LRRC8D: variants seen among roughly 807,000 people sequenced by gnomAD.
LRRC8D encodes leucine rich repeat containing 8 VRAC subunit D, also known as volume-regulated anion channel subunit LRRC8D.
In LRRC8D, 20 loss-of-function variants were observed where a neutral mutation model predicts 55.8. The ratio of observed to expected loss-of-function variants is 0.36; its 90% CI spans 0.25 to 0.52. LRRC8D has a LOEUF of 0.52. LRRC8D is among the 20% of genes least tolerant of loss of function. LRRC8D has a pLI of 0.93. For synonymous variants in LRRC8D, 352 were observed against 377.0 expected (o/e 0.93, Z 0.77); for missense variants, 651 against 1,030.8 (o/e 0.63, Z 5.05).
chr1:89,887,993 A>G (rs939990058), intron 2 of LRRC8D, among the ~76,000 whole-genome samples: 7 of 152,178 alleles, frequency 4.6e-5, no homozygotes, highest in African/African-American at 1.7e-4. Flanking sequence ...AAAGGCACCA[A>G]GGGAGACGTG....
At chr1:89,912,213 C>T (rs1201850217) in intron 2 of LRRC8D, among the ~76,000 whole-genome samples, 1 of 152,128 alleles carries the variant, frequency 6.6e-6, no homozygotes, top group Non-Finnish European at 1.5e-5. Flanking sequence ...CCAGTCTTTC[C>T]TCCCTTCAAT....
chr1:89,901,160 A>G (rs1480003260), intron 2 of LRRC8D, among the ~76,000 whole-genome samples: 2 of 152,174 alleles, frequency 1.3e-5, no homozygotes, highest in Non-Finnish European at 2.9e-5. Flanking sequence ...GTTAACAGGC[A>G]GCATTGGGGC....
At chr1:89,905,953 A>C (rs115502878) in intron 2 of LRRC8D, among the ~76,000 whole-genome samples, 22 of 152,330 alleles carry the variant, frequency 1.4e-4, no homozygotes, top group African/African-American at 5.3e-4. Context: ...GGTAGCTGAG[A>C]CCTGACCCCT....
chr1:89,888,713 G>A (rs975258586), intron 2 of LRRC8D, among the ~76,000 whole-genome samples: 1 of 152,170 alleles, frequency 6.6e-6, no homozygotes, highest in African/African-American at 2.4e-5. Flanking sequence ...ATCTTGTAGT[G>A]CTGGAAAGTA....
chr1:89,878,729 G>A (rs1662206495), intron 2 of LRRC8D, among the ~76,000 whole-genome samples: 1 of 152,200 alleles, frequency 6.6e-6, no homozygotes, highest in Non-Finnish European at 1.5e-5. Flanking sequence ...ACTTTGGGAG[G>A]CTGAGGCGGG....
chr1:89,927,429 C>A (rs1450906007), intron 2 of LRRC8D, among the ~76,000 whole-genome samples: 1 of 152,232 alleles, frequency 6.6e-6, no homozygotes, highest in African/African-American at 2.4e-5. Context: ...TATACCACAT[C>A]TTTTATTCTA....
intron 2 of LRRC8D, among the ~76,000 whole-genome samples, chr1:89,875,743 C>G (rs1350571176): frequency 6.6e-6 from 1 of 151,746 alleles, no homozygotes; most frequent in African/African-American, 2.4e-5. Flanking sequence ...TTATAGAGGA[C>G]TTACTCTATG....
chr1:89,902,297 C>G (rs1662878799), intron 2 of LRRC8D, among the ~76,000 whole-genome samples: 1 of 152,218 alleles, frequency 6.6e-6, no homozygotes, highest in Non-Finnish European at 1.5e-5. Flanking sequence ...TAGCCTGCTA[C>G]TTTATTTCTA....
At position 89,925,021 on chromosome 1, in the gene LRRC8D, A is replaced by T. The variant is rs946410194; in HGVS notation, c.-2-8046A>T. ...ACCCCTGGGCCACGGACTGCTGCTG[A>T]TTCATGGCCTGTTAGGAACCGGGTC... On this transcript the variant is annotated intron_variant, in intron 2 of 2. Transcript: ENST00000337338. Among the ~76,000 whole-genome samples the T allele has an allele frequency of 3.3e-5, 5 of 152,152 alleles. No homozygotes were observed. In the East Asian group the frequency reaches 7.7e-4, roughly 23 times the overall value.
chr1:89,913,369 T>C lies in LRRC8D; in HGVS notation c.-2-19698T>C, dbSNP rs560180003. Among the ~76,000 whole-genome samples the C allele has an allele frequency of 5.3e-5, 8 of 152,334 alleles. No individual in the cohort carries two copies. The South Asian group carries it at 1.7e-3, about 32-fold the overall frequency. On this transcript the variant is annotated intron_variant, in intron 2 of 2. Transcript: ENST00000337338. ...TTATCATAGAAATGGAAGACTATTTTGATTAAAAAGTCAACTTGGGAGGAA... is the reference window on the plus strand; with the variant it reads ...TTATCATAGAAATGGAAGACTATTTCGATTAAAAAGTCAACTTGGGAGGAA...
rs139352797 is a variant in LRRC8D, at chr1:89,933,345, C to G, written c.277C>G (p.Arg93Gly). The G allele has an allele frequency of 1.2e-5, 20 of 1,614,118 alleles. No individual in the cohort carries two copies. The African/African-American group carries it at 2.5e-4, about 20-fold the overall frequency. ...EAATNQDQDG[R>G]TTNDISFGTS... is the part of the protein sequence containing the mutation. Reference sequence around the variant, plus strand: ...AGCCACCAACCAAGACCAAGATGGGCGGACAACAAACGACATTTCCTTTGG... The same window carrying G: ...AGCCACCAACCAAGACCAAGATGGGGGGACAACAAACGACATTTCCTTTGG... Residue 93 changes from arginine to glycine, a missense_variant, in exon 3 of 3, where the codon CGG becomes GGG. Transcript: ENST00000337338. This position sits in a 1 kb window ranked among gnomAD's most constrained non-coding sequence, Gnocchi z 7.0.
In LRRC8D at chr1:89,933,489, T is replaced by C. The variant is rs1272069116; in HGVS notation, c.421T>C (p.Leu141=). The C allele has an allele frequency of 6.2e-7, 1 of 1,614,116 alleles. No individual in the cohort carries two copies. Residue 141 remains leucine, a synonymous_variant, in exon 3 of 3, where the codon TTG becomes CTG. Transcript: ENST00000337338. The surrounding 1 kb of genome is among the most constrained non-coding windows in gnomAD (Gnocchi z 7.0). ...AGATCCAACAGGTCGAAAAACAAAC[T>C]TGGATTTTCAGCAATATGTATTTAT... ...KKDPTGRKTN[L]DFQQYVFINQ... is the part of the protein sequence containing the mutation.
At chr1:89,918,392 A>G (rs2802027) in intron 2 of LRRC8D, among the ~76,000 whole-genome samples, 45,962 of 152,128 alleles carry the variant, frequency 0.3, 7,376 homozygotes, top group African/African-American at 0.4. Context: ...CTAACTGCAG[A>G]GTTACTCTCA....
intron 2 of LRRC8D, among the ~76,000 whole-genome samples, chr1:89,857,154 A>G (rs538876523): frequency 2.0e-5 from 3 of 152,190 alleles, no homozygotes; most frequent in East Asian, 1.9e-4. Context: ...GAGGTGAGGC[A>G]GGTGGATCAC....
chr1:89,905,091 C>A (rs545938643), intron 2 of LRRC8D, among the ~76,000 whole-genome samples: 3 of 152,088 alleles, frequency 2.0e-5, no homozygotes, highest in Non-Finnish European at 4.4e-5. Context: ...AAATGTCATG[C>A]TGCCCTTCAG....
chr1:89,897,633 T>C (rs2100899551), intron 2 of LRRC8D, among the ~76,000 whole-genome samples: 1 of 152,348 alleles, frequency 6.6e-6, no homozygotes, highest in Admixed American at 6.5e-5. Flanking sequence ...CTTGTGATTG[T>C]GGATAACTTT....
At chr1:89,877,914 T>C (rs1662188190) in intron 2 of LRRC8D, among the ~76,000 whole-genome samples, 1 of 152,236 alleles carries the variant, frequency 6.6e-6, no homozygotes, top group Non-Finnish European at 1.5e-5. Context: ...TCTTGAGACG[T>C]GTCAGAATCT....
chr1:89,895,916 G>T (rs1057100009), intron 2 of LRRC8D, among the ~76,000 whole-genome samples: 9 of 152,290 alleles, frequency 5.9e-5, no homozygotes, highest in Admixed American at 6.5e-5. Flanking sequence ...GGAAACATCA[G>T]AAAAGGAAAG....
chr1:89,824,426 A>G (rs769037347), intron 1 of LRRC8D, among the ~76,000 whole-genome samples: 65 of 152,214 alleles, frequency 4.3e-4, no homozygotes, highest in Non-Finnish European at 7.5e-4. Flanking sequence ...CATTGAAATC[A>G]GAATTGGCAT....
Sources: gnomAD v4.1 joint callset for allele counts (sites outside exome capture counted in the v4.1 genomes callset) on GRCh38, gnomAD v4.1.1 for gene constraint, Gnocchi (gnomAD v3.1) non-coding constraint, MANE v1.5 for transcripts, NCBI Gene and HGNC (gene_info 2026-07-23, HGNC 2026-07-21) for gene names.